OSTF1: variants seen among roughly 807,000 people sequenced by gnomAD.
The protein encoded by OSTF1 is osteoclast stimulating factor 1, also known as osteoclast-stimulating factor 1.
A neutral mutation model predicts 37.2 loss-of-function variants in OSTF1; 27 were observed. That is an observed-to-expected ratio of 0.73 (90% CI 0.54 to 1.00). OSTF1 has a LOEUF of 1.00. OSTF1 is among the 50% of genes least tolerant of loss of function. The pLI is 0.00. For missense variants in OSTF1, 232 were observed against 253.8 expected (o/e 0.91, Z 0.58); for synonymous variants, 82 against 89.2 (o/e 0.92, Z 0.46).
chr9:75,133,373 A>G lies in OSTF1; in HGVS notation c.330A>G (p.Leu110=). ...NGLDKAGSTA[L]YWACHGGHKD... ...TAGACAAAGCTGGAAGCACTGCCTTATACTGGGCTTGCCACGGGGGCCACA... is the reference window on the plus strand; with the variant it reads ...TAGACAAAGCTGGAAGCACTGCCTTGTACTGGGCTTGCCACGGGGGCCACA... The change falls in exon 6 of 10, where the codon TTA becomes TTG. Residue 110 remains leucine (L), a synonymous_variant. Transcript: ENST00000346234. 6.2e-7 allele frequency: 1 copy of G among 1,610,448 alleles called. No homozygotes were observed. The highest frequency in any genetic ancestry group is 8.5e-7 in the Non-Finnish European group (1 of 1,176,992).
At chr9:75,145,783 C>T (rs1826014452) in intron 9 of OSTF1, among the ~76,000 whole-genome samples, 1 of 152,068 alleles carries the variant, frequency 6.6e-6, no homozygotes, top group Non-Finnish European at 1.5e-5. Flanking sequence ...TATCAATAGC[C>T]CATCTTTGGC....
intron 1 of OSTF1, among the ~76,000 whole-genome samples, chr9:75,109,039 T>G (rs74904237): frequency 3.3e-4 from 49 of 150,492 alleles, no homozygotes; most frequent in Admixed American, 1.4e-3. Flanking sequence ...TTTTTTTTTT[T>G]GGGTGGAGTC....
chr9:75,089,865 G>A (rs944499222), intron 1 of OSTF1, among the ~76,000 whole-genome samples: 30 of 151,880 alleles, frequency 2.0e-4, no homozygotes, highest in African/African-American at 7.3e-4. Flanking sequence ...GTTTCTTTGC[G>A]TTCCTGCAGT....
chr9:75,092,005 G>C (rs1273242349), intron 1 of OSTF1, among the ~76,000 whole-genome samples: 1 of 152,160 alleles, frequency 6.6e-6, no homozygotes, highest in African/African-American at 2.4e-5. Flanking sequence ...ATACAAGACA[G>C]AACATCCTAG....
Position 75,088,563 on chromosome 9 carries a change from G to C in OSTF1, c.-130G>C, listed in dbSNP as rs963910690. 4.2e-6 allele frequency: 4 copies of C among 961,712 alleles called. No individual in the cohort carries two copies. In the African/African-American group the frequency reaches 6.5e-5, roughly 16 times the overall value. The allele number at this position is 961,712 out of a possible 1,614,324, so 59.6% of individuals were successfully genotyped here. A position where few individuals can be genotyped will look rare whatever the true frequency, so the allele number is the denominator to read the frequency against. On this transcript the variant is annotated 5_prime_UTR_variant, in exon 1 of 10. Transcript: ENST00000346234. ...GTCCGCTCTTCCCGCAGCCAAGGGT[G>C]GGCGCCGGTCCTAGGAGGCGCACGG...
chr9:75,100,599 C>T (rs574337033), intron 1 of OSTF1, among the ~76,000 whole-genome samples: 1 of 151,848 alleles, frequency 6.6e-6, no homozygotes, highest in East Asian at 1.9e-4. Context: ...GCCGTGGTGG[C>T]GCATGTCTGT....
chr9:75,115,392 G>C (rs1171461976), intron 1 of OSTF1, among the ~76,000 whole-genome samples: 1 of 152,052 alleles, frequency 6.6e-6, no homozygotes. Flanking sequence ...CCTGGGTTCA[G>C]GCTATTCTCC....
intron 1 of OSTF1, among the ~76,000 whole-genome samples, chr9:75,113,698 G>A (rs552465940): frequency 2.6e-5 from 4 of 152,060 alleles, no homozygotes; most frequent in Admixed American, 6.6e-5. Flanking sequence ...AGTAAAAATT[G>A]TATACATTAT....
intron 1 of OSTF1, among the ~76,000 whole-genome samples, chr9:75,094,527 C>T (rs1825038433): frequency 1.3e-5 from 2 of 152,022 alleles, no homozygotes; most frequent in African/African-American, 2.4e-5. Context: ...CCTCCCTTGG[C>T]GTTTCAGCAT....
At chr9:75,142,422 C>CTACCCTT in intron 9 of OSTF1, among the ~76,000 whole-genome samples, 1 of 152,284 alleles carries the variant, frequency 6.6e-6, no homozygotes. Flanking sequence ...TGTTGTGTGG[C>CTACCCTT]TACCCTTAGC....
chr9:75,137,312 A>G (rs1160308136), intron 7 of OSTF1, among the ~76,000 whole-genome samples: 1 of 152,096 alleles, frequency 6.6e-6, no homozygotes, highest in Non-Finnish European at 1.5e-5. Flanking sequence ...CTCGTGCTCC[A>G]CCAAGTCAGC....
intron 2 of OSTF1, among the ~76,000 whole-genome samples, chr9:75,124,388 G>A (rs997216595): frequency 3.3e-5 from 5 of 151,594 alleles, no homozygotes; most frequent in African/African-American, 1.2e-4. Flanking sequence ...AATTTTTTTT[G>A]TACCCATTAA....
chr9:75,143,136 C>T (rs1825969403), intron 9 of OSTF1, among the ~76,000 whole-genome samples: 1 of 152,014 alleles, frequency 6.6e-6, no homozygotes, highest in African/African-American at 2.4e-5. Context: ...GATGGGGTTT[C>T]ACCTTTTTTG....
intron 2 of OSTF1, among the ~76,000 whole-genome samples, chr9:75,124,933 G>A (rs1433112105): frequency 6.6e-6 from 1 of 152,158 alleles, no homozygotes; most frequent in Non-Finnish European, 1.5e-5. Flanking sequence ...AGGATTTATT[G>A]TGAGACATAA....
rs1475832216 is a variant in OSTF1 at position 75,131,799 on chromosome 9, C to T, written c.226C>T (p.Pro76Ser). The change falls in exon 5 of 10, where the codon CCA becomes TCA. Residue 76 changes from proline (P) to serine (S), a missense_variant. By Grantham distance (74) the Pro-to-Ser change is moderately conservative. Transcript: ENST00000346234. ...TGAGCAGGCAGAATCCATTGACAATCCATTGCATGAAGCAGCAAAAAGAGG... is the reference window on the plus strand; with the variant it reads ...TGAGCAGGCAGAATCCATTGACAATTCATTGCATGAAGCAGCAAAAAGAGG... Reference protein sequence around the residue: ...VAEQAESIDNPLHEAAKRGNL... With the variant: ...VAEQAESIDNSLHEAAKRGNL... The T allele has an allele frequency of 1.2e-6, 2 of 1,613,392 alleles. No individual in the cohort carries two copies. Among genetic ancestry groups the T allele is most frequent in the African/African-American group, 2.7e-5 (2 of 74,854 alleles).
intron 1 of OSTF1, among the ~76,000 whole-genome samples, chr9:75,115,132 G>A (rs532738452): frequency 6.6e-6 from 1 of 152,268 alleles, no homozygotes; most frequent in East Asian, 1.9e-4. Context: ...AATAGGAATA[G>A]AAAAGAATAA....
intron 1 of OSTF1, among the ~76,000 whole-genome samples, chr9:75,110,618 T>G (rs949993954): frequency 4.6e-5 from 7 of 152,196 alleles, no homozygotes; most frequent in Non-Finnish European, 1.0e-4. Flanking sequence ...ATAGTCTATC[T>G]ATTACAGATG....
rs752044748 is a variant in OSTF1 at position 75,131,757 on chromosome 9, A to G, written c.197-13A>G. On this transcript the variant is annotated splice_polypyrimidine_tract_variant and intron_variant, in intron 4 of 9. Transcript: ENST00000346234. ...ATTCCACATTGGGTTAACACTTTTT[A>G]TTTTCAATCTAGTGGCTGAGCAGGC... is the stretch of plus-strand genomic sequence containing the variant. 2 of 1,611,114 alleles carry G rather than the reference A, an allele frequency of 1.2e-6. No individual in the cohort carries two copies. Among genetic ancestry groups the G allele is most frequent in the South Asian group, 2.2e-5 (2 of 91,006 alleles).
intron 8 of OSTF1, among the ~76,000 whole-genome samples, chr9:75,139,649 C>T (rs1825908196): frequency 6.6e-6 from 1 of 152,196 alleles, no homozygotes; most frequent in Non-Finnish European, 1.5e-5. Context: ...TCTTGAACTC[C>T]TGACCTCAAA....
Sources: allele counts gnomAD v4.1 joint callset (sites outside exome capture counted in the v4.1 genomes callset), GRCh38; gene constraint gnomAD v4.1.1; transcripts MANE v1.5; gene names NCBI Gene and HGNC (gene_info 2026-07-23, HGNC 2026-07-21).